LAMA2: variants seen among roughly 807,000 people sequenced by gnomAD.
The protein encoded by LAMA2 is laminin subunit alpha-2.
LAMA2 carries 269 observed loss-of-function variants against 364.8 expected under a neutral mutation model. The ratio of observed to expected loss-of-function variants is 0.74; its 90% CI spans 0.67 to 0.82. The LOEUF is 0.82. LAMA2 is among the 40% of genes least tolerant of loss of function. The pLI, the probability that LAMA2 is intolerant of heterozygous loss-of-function variation, is 0.00. For synonymous variants in LAMA2, 1,379 were observed against 1,370.6 expected, an observed-to-expected ratio of 1.01 and a Z score of -0.14; for missense variants, 3,807 against 3,873.2, an observed-to-expected ratio of 0.98 and a Z score of 0.45.
chr6:129,054,864 A>G (rs1788355376), intron 2 of LAMA2, among the ~76,000 whole-genome samples: 1 of 150,846 alleles, frequency 6.6e-6, no homozygotes, highest in Admixed American at 6.6e-5. Flanking sequence ...GGGGTAGAAA[A>G]TAATTTAGTT....
intron 1 of LAMA2, among the ~76,000 whole-genome samples, chr6:128,970,158 AT>A (rs1189772582): frequency 6.6e-6 from 1 of 152,214 alleles, no homozygotes; most frequent in Admixed American, 6.5e-5. Context: ...TTTAATTCTT[AT>A]AAAAATTGAA....
At chr6:128,985,783 A>G (rs999082831) in intron 1 of LAMA2, among the ~76,000 whole-genome samples, 8 of 152,204 alleles carry the variant, frequency 5.3e-5, no homozygotes, top group Admixed American at 2.6e-4. Flanking sequence ...ATATTTAAGT[A>G]TGCATATCTA....
intron 62 of LAMA2, 33 bp downstream of exon 62, chr6:129,507,675 T>G (rs747527643): frequency 6.2e-7 from 1 of 1,605,838 alleles, no homozygotes; most frequent in African/African-American, 1.3e-5. Context: ...CTGTTGATTA[T>G]TAACTAGATA....
At position 129,271,303 on chromosome 6, in the gene LAMA2, AAAC is replaced by A. The variant is rs565253355; in HGVS notation, c.2450+561_2450+563del. ...CCTCTTAGAGCAGATTTAAAAAAAC[AAAC>A]AACAACAAGAAAGAACACTTGACTT... On this transcript the variant is annotated intron_variant, in intron 17 of 64. Transcript: ENST00000421865. 2.7e-4 allele frequency among the ~76,000 whole-genome samples: 41 copies of A among 152,190 alleles called. No individual in the cohort carries two copies. The East Asian group carries it at 3.3e-3, about 12-fold the overall frequency.
At chr6:129,090,125 C>G (rs370184815) in intron 3 of LAMA2, among the ~76,000 whole-genome samples, 15 of 152,190 alleles carry the variant, frequency 9.9e-5, no homozygotes, top group African/African-American at 3.6e-4. Flanking sequence ...GATGCATTAG[C>G]AAGCTTTTTT....
At chr6:129,176,972 C>T (rs73599042) in intron 9 of LAMA2, among the ~76,000 whole-genome samples, 2,139 of 151,896 alleles carry the variant, frequency 0.014, 42 homozygotes, top group African/African-American at 0.048. Flanking sequence ...TTCCCTCCTC[C>T]TTTCTTCTTT....
chr6:129,187,565 G>A (rs190942451), intron 10 of LAMA2, among the ~76,000 whole-genome samples: 1 of 150,940 alleles, frequency 6.6e-6, no homozygotes, highest in Admixed American at 6.6e-5. Flanking sequence ...ATATCTCTTA[G>A]GATGGACTTT....
chr6:129,144,297 T>C (rs1778305496), intron 5 of LAMA2, among the ~76,000 whole-genome samples: 1 of 152,010 alleles, frequency 6.6e-6, no homozygotes, highest in African/African-American at 2.4e-5. Context: ...TGTGTAACAT[T>C]TATCAAACAT....
chr6:128,978,612 G>A (rs1041272177), intron 1 of LAMA2, among the ~76,000 whole-genome samples: 3 of 151,964 alleles, frequency 2.0e-5, no homozygotes, highest in Non-Finnish European at 4.4e-5. Flanking sequence ...CACCATGCCC[G>A]GTCAGTACCT....
intron 1 of LAMA2, among the ~76,000 whole-genome samples, chr6:128,964,590 CT>C (rs1701915533): frequency 6.6e-6 from 1 of 152,028 alleles, no homozygotes; most frequent in African/African-American, 2.4e-5. Context: ...GGGTTTGAAT[CT>C]AAGTAGATGA....
chr6:128,976,755 A>C (rs530747650), intron 1 of LAMA2, among the ~76,000 whole-genome samples: 2 of 152,236 alleles, frequency 1.3e-5, no homozygotes, highest in African/African-American at 4.8e-5. Flanking sequence ...AATCCTAAGA[A>C]ATTCTGGGAT....
intron 62 of LAMA2, among the ~76,000 whole-genome samples, chr6:129,508,041 A>T (rs1354468966): frequency 1.3e-5 from 2 of 152,122 alleles, no homozygotes; most frequent in African/African-American, 4.8e-5. Context: ...CCATCAACAC[A>T]CACCCATACA....
At chr6:129,314,552 T>C in intron 23 of LAMA2, 103 bp from the exon 24 acceptor site, 1 of 1,068,168 alleles carries the variant, frequency 9.4e-7, no homozygotes, top group Non-Finnish European at 1.4e-6. Context: ...TCTGTTTTGT[T>C]TTAAATTTTT....
intron 58 of LAMA2, among the ~76,000 whole-genome samples, chr6:129,496,003 C>G (rs1188907270): frequency 6.6e-6 from 1 of 152,124 alleles, no homozygotes; most frequent in Non-Finnish European, 1.5e-5. Flanking sequence ...AACATTAGAG[C>G]TAGAAGACAC....
chr6:129,489,946 G>A (rs1784780115), intron 56 of LAMA2, among the ~76,000 whole-genome samples: 2 of 151,210 alleles, frequency 1.3e-5, no homozygotes, highest in Non-Finnish European at 2.9e-5. Flanking sequence ...AAAAAATAAA[G>A]CTGACCTATT....
intron 17 of LAMA2, among the ~76,000 whole-genome samples, chr6:129,277,728 G>A (rs1788429055): frequency 6.6e-6 from 1 of 152,150 alleles, no homozygotes; most frequent in African/African-American, 2.4e-5. Flanking sequence ...TTGTGAAAAT[G>A]TGATAAAATT....
intron 8 of LAMA2, among the ~76,000 whole-genome samples, chr6:129,163,152 T>C (rs1174726423): frequency 6.6e-6 from 1 of 152,196 alleles, no homozygotes; most frequent in Non-Finnish European, 1.5e-5. Context: ...AACCTGTTTT[T>C]TGACCAGTGT....
intron 12 of LAMA2, among the ~76,000 whole-genome samples, chr6:129,193,964 TA>T (rs1355414999): frequency 6.6e-6 from 1 of 152,174 alleles, no homozygotes; most frequent in Non-Finnish European, 1.5e-5. Context: ...AAAAAATGTG[TA>T]AATGTCTAAA....
intron 1 of LAMA2, among the ~76,000 whole-genome samples, chr6:128,957,097 CT>C (rs559466179): frequency 1.8e-3 from 276 of 152,116 alleles, no homozygotes; most frequent in African/African-American, 6.5e-3. Flanking sequence ...AATGATTTGC[CT>C]TTATTCTGTC....
Sources: allele counts gnomAD v4.1 joint callset (sites outside exome capture counted in the v4.1 genomes callset), GRCh38; gene constraint gnomAD v4.1.1; transcripts MANE v1.5; gene names NCBI Gene and HGNC (gene_info 2026-07-23, HGNC 2026-07-21).